ELMOD2: variants seen among roughly 807,000 people sequenced by gnomAD.
ELMOD2 encodes ELMO domain-containing protein 2.
In ELMOD2, 28 loss-of-function variants were observed where a neutral mutation model predicts 41.0. The ratio of observed to expected loss-of-function variants is 0.68; its 90% CI spans 0.51 to 0.94. ELMOD2 has a LOEUF of 0.94. ELMOD2 is among the 40% of genes least tolerant of loss of function. ELMOD2 has a pLI of 0.00. For synonymous variants in ELMOD2, 106 were observed against 107.2 expected, an observed-to-expected ratio of 0.99 and a Z score of 0.07; for missense variants, 333 against 343.1, an observed-to-expected ratio of 0.97 and a Z score of 0.23.
chr4:140,524,729 C>T (rs1444776044), intron 1 of ELMOD2: 4 of 692,248 alleles, frequency 5.8e-6, no homozygotes, highest in Non-Finnish European at 7.1e-6. Context: ...GTATCTCCCT[C>T]TCACTAGTAT....
At chr4:140,531,740 T>G (rs1734755311) in intron 3 of ELMOD2, among the ~76,000 whole-genome samples, 1 of 152,240 alleles carries the variant, frequency 6.6e-6, no homozygotes, top group Non-Finnish European at 1.5e-5. Context: ...GGGGATTCTA[T>G]GAACAACTTT....
At chr4:140,531,210 C>G (rs543858848) in intron 3 of ELMOD2, among the ~76,000 whole-genome samples, 1 of 152,232 alleles carries the variant, frequency 6.6e-6, no homozygotes, top group Admixed American at 6.5e-5. Flanking sequence ...CAGAGTGATT[C>G]CCTAAAGCAG....
Position 140,550,702 on chromosome 4 carries a change from C to T in ELMOD2, c.*327C>T, listed in dbSNP as rs866065613. On this transcript the variant is annotated 3_prime_UTR_variant, in exon 9 of 9. Coordinates refer to ENST00000323570, the MANE Select transcript of ELMOD2 (RefSeq NM_153702.4). ...GATTAAAATGTGTAAAATCAATTTT[C>T]GTTTTTATGTGTTATAGGGTCAAGT... The T allele has an allele frequency of 1.1e-4, 18 of 158,728 alleles. No homozygotes were observed. Among genetic ancestry groups the T allele is most frequent in the African/African-American group, 2.9e-4 (12 of 41,744 alleles). The allele number at this position is 158,728 out of a possible 1,614,324, so 9.8% of individuals were successfully genotyped here. A position where few individuals can be genotyped will look rare whatever the true frequency, so the allele number is the denominator to read the frequency against.
chr4:140,548,798 A>G (rs916284742), intron 8 of ELMOD2, among the ~76,000 whole-genome samples: 2 of 152,158 alleles, frequency 1.3e-5, no homozygotes, highest in Non-Finnish European at 2.9e-5. Flanking sequence ...AATTCAATAA[A>G]TACATTTGAT....
In ELMOD2 at chr4:140,535,133, TTCTTTCTC is replaced by T. The variant is rs147549236; in HGVS notation, c.172-596_172-589del. Reference sequence around the variant, plus strand: ...TTTACTTTTCTCTGGGGAAATCTGTTTCTTTCTCTCTCTCTCTCTCTCTCTCTCTCTCT... The same window carrying T: ...TTTACTTTTCTCTGGGGAAATCTGTTTCTCTCTCTCTCTCTCTCTCTCTCT... On this transcript the variant is annotated intron_variant, in intron 3 of 8. Transcript: ENST00000323570. Among the ~76,000 whole-genome samples, 326 of 74,392 alleles carry T rather than the reference TTCTTTCTC, an allele frequency of 4.4e-3. 4 individuals carry two copies. The highest frequency in any genetic ancestry group is 9.7e-3 in the African/African-American group (247 of 25,408). The allele number at this position is 74,392 out of a possible 152,430, so 48.8% of individuals were successfully genotyped here.
At chr4:140,528,691 A>G (rs1321301849) in intron 3 of ELMOD2, among the ~76,000 whole-genome samples, 2 of 152,164 alleles carry the variant, frequency 1.3e-5, no homozygotes, top group South Asian at 4.1e-4. Context: ...AGTTGCAAGC[A>G]TATCTGTTAT....
chr4:140,535,011 CAT>C (rs920374753), intron 3 of ELMOD2, among the ~76,000 whole-genome samples: 3 of 152,132 alleles, frequency 2.0e-5, no homozygotes, highest in Non-Finnish European at 4.4e-5. Flanking sequence ...TTCCTGTACT[CAT>C]ATTATCTCAG....
chr4:140,547,990 T>C (rs956103109), intron 8 of ELMOD2, among the ~76,000 whole-genome samples: 2 of 152,200 alleles, frequency 1.3e-5, no homozygotes, highest in African/African-American at 4.8e-5. Context: ...GGTTTCCTGA[T>C]GTCACATTAA....
At chr4:140,548,678 C>G (rs1178194025) in intron 8 of ELMOD2, among the ~76,000 whole-genome samples, 1 of 152,120 alleles carries the variant, frequency 6.6e-6, no homozygotes, top group Non-Finnish European at 1.5e-5. Flanking sequence ...TTCTCTGCAC[C>G]TCTCTTTCAT....
chr4:140,544,271 G>A (rs1026018438), intron 8 of ELMOD2, among the ~76,000 whole-genome samples: 3 of 152,050 alleles, frequency 2.0e-5, no homozygotes, highest in African/African-American at 7.2e-5. Context: ...ATAATAGGTG[G>A]CCAAATCATA....
intron 4 of ELMOD2, among the ~76,000 whole-genome samples, chr4:140,536,831 G>T (rs150271138): frequency 2.8e-4 from 42 of 152,238 alleles, no homozygotes; most frequent in Middle Eastern, 3.4e-3. Context: ...AAATACAGTA[G>T]GAGAAAGAGT....
chr4:140,540,445 T>A, intron 6 of ELMOD2, 144 bp downstream of exon 6: 1 of 1,135,166 alleles, frequency 8.8e-7, no homozygotes, highest in Non-Finnish European at 1.2e-6. Flanking sequence ...TTTGCTAATG[T>A]GTTGGCAACA....
rs1247791576 is a variant in ELMOD2 at position 140,550,512 on chromosome 4, A to T, written c.*137A>T. ...AATATTTCAGAAATTCTATTTAAGA[A>T]AGCTAGTGGACAATCAGTGTATGTT... On this transcript the variant is annotated 3_prime_UTR_variant, in exon 9 of 9. Transcript: ENST00000323570. 2 of 875,954 alleles carry T rather than the reference A, an allele frequency of 2.3e-6. No individual in the cohort carries two copies. Among genetic ancestry groups the T allele is most frequent in the African/African-American group, 1.7e-5 (1 of 58,274 alleles). 54.3% of individuals were successfully genotyped at this position (875,954 alleles called of 1,614,324 possible).
chr4:140,529,437 T>G (rs1734670719), intron 3 of ELMOD2, among the ~76,000 whole-genome samples: 1 of 152,190 alleles, frequency 6.6e-6, no homozygotes, highest in South Asian at 2.1e-4. Context: ...GCTCTTTATG[T>G]TATACCCACA....
chr4:140,545,186 G>C (rs1735234485), intron 8 of ELMOD2, among the ~76,000 whole-genome samples: 1 of 151,576 alleles, frequency 6.6e-6, no homozygotes, highest in South Asian at 2.1e-4. Flanking sequence ...CATGTTATTT[G>C]ATCCTTTTAG....
At chr4:140,524,593 G>T in intron 1 of ELMOD2, 1 of 985,436 alleles carries the variant, frequency 1.0e-6, no homozygotes, top group Non-Finnish European at 1.2e-6. Flanking sequence ...GCTGTGCTAT[G>T]CGCTCTTTCT....
chr4:140,527,557 A>C (rs1423693215), intron 3 of ELMOD2, 63 bp downstream of exon 3: 2 of 1,416,484 alleles, frequency 1.4e-6, no homozygotes, highest in Non-Finnish European at 1.9e-6. Context: ...TTCTTAAAAA[A>C]AAAAAAGTGC....
At chr4:140,548,031 C>A (rs1200057330) in intron 8 of ELMOD2, among the ~76,000 whole-genome samples, 1 of 152,136 alleles carries the variant, frequency 6.6e-6, no homozygotes, top group African/African-American at 2.4e-5. Context: ...CTCCGTTCTT[C>A]AAGTTAGTCT....
chr4:140,524,718 A>G, intron 1 of ELMOD2: 1 of 834,378 alleles, frequency 1.2e-6, no homozygotes, highest in South Asian at 5.5e-5. Context: ...TTTGTTTTTA[A>G]GTATCTCCCT....
Sources: allele counts gnomAD v4.1 joint callset (sites outside exome capture counted in the v4.1 genomes callset), GRCh38; gene constraint gnomAD v4.1.1; transcripts MANE v1.5; gene names NCBI Gene and HGNC (gene_info 2026-07-23, HGNC 2026-07-21).